Variants in IRX1 observed in about 807,000 individuals in gnomAD.
The protein encoded by IRX1 is iroquois-class homeodomain protein IRX-1.
In IRX1, 22 loss-of-function variants were observed where a neutral mutation model predicts 34.1. The observed-to-expected ratio is 0.64, with a 90% CI of 0.46 to 0.92. The LOEUF (loss-of-function observed/expected upper bound fraction) is 0.92. Among genes scored for constraint, IRX1 ranks in the 40% least tolerant of loss-of-function variants. IRX1 has a pLI of 0.00. For synonymous variants in IRX1, 363 were observed against 319.0 expected (o/e 1.14, Z -1.47); for missense variants, 758 against 680.0 (o/e 1.11, Z -1.28).
At position 3,600,597 on chromosome 5, in the gene IRX1, G is replaced by A; in HGVS notation, c.1313-12G>A. 1 of 1,611,150 alleles carries A rather than the reference G, an allele frequency of 6.2e-7. No individual in the cohort carries two copies. Among genetic ancestry groups the A allele is most frequent in the African/African-American group, 1.3e-5 (1 of 74,968 alleles). On this transcript the variant is annotated splice_polypyrimidine_tract_variant and intron_variant, in intron 2 of 3. Coordinates refer to ENST00000302006, the MANE Select transcript of IRX1 (RefSeq NM_024337.4). ...TCTCCGTCCTAACTCTGCCTCTTCC[G>A]ATCTCTCGCAGAGAGAGACCTCGTC...
chr5:3,599,538 G>A lies in IRX1; in HGVS notation c.590G>A (p.Ser197Asn), dbSNP rs570484024. 18 of 1,614,196 alleles carry A rather than the reference G, an allele frequency of 1.1e-5. No individual in the cohort carries two copies. The East Asian group carries it at 4.0e-4, about 36-fold the overall frequency. Residue 197 changes from serine to asparagine, a missense_variant, in exon 2 of 4, where the codon AGC becomes AAC. Physicochemically the swap from Ser to Asn is conservative, Grantham distance 46 (BLOSUM62 1). Around this residue, in one of 3 missense-constraint regions of IRX1, gnomAD observed 529 missense variants for 418.8 expected, o/e 1.26. Coordinates refer to ENST00000302006, the MANE Select transcript of IRX1 (RefSeq NM_024337.4). This position sits in a 1 kb window ranked among gnomAD's most constrained non-coding sequence, Gnocchi z 6.6. ...KENKVTWGARSKDQEDGALFG... is the reference protein window; with the variant it reads ...KENKVTWGARNKDQEDGALFG... ...AACAAGGTGACATGGGGAGCGCGCAGCAAGGACCAGGAAGATGGAGCGCTC... is the reference window on the plus strand; with the variant it reads ...AACAAGGTGACATGGGGAGCGCGCAACAAGGACCAGGAAGATGGAGCGCTC...
chr5:3,600,614 G>A lies in IRX1; in HGVS notation c.1318G>A (p.Asp440Asn). 3 of 1,613,644 alleles carry A rather than the reference G, an allele frequency of 1.9e-6. No individual in the cohort carries two copies. The highest frequency in any genetic ancestry group is 2.5e-6 in the Non-Finnish European group (3 of 1,179,842). Residue 440 changes from aspartate (D) to asparagine (N), a missense_variant, in exon 3 of 4, where the codon GAC becomes AAC. Physicochemically the swap from Asp to Asn is conservative, Grantham distance 23. Coordinates refer to ENST00000302006, the MANE Select transcript of IRX1 (RefSeq NM_024337.4). The stretch of plus-strand genomic sequence containing the variant: ...CCTCTTCCGATCTCTCGCAGAGAGA[G>A]ACCTCGTCCCCAGGCCAGATTCGCC... ...VRSSPTLPER[D>N]LVPRPDSPAQ... is the part of the protein sequence containing the mutation.
chr5:3,598,184 T>C (rs142562105), intron 1 of IRX1, among the ~76,000 whole-genome samples: 223 of 152,320 alleles, frequency 1.5e-3, no homozygotes, highest in Non-Finnish European at 2.7e-3. Context: ...AAAGATAAAA[T>C]TGTATTTGAA....
At chr5:3,597,255 C>T (rs1733805285) in intron 1 of IRX1, among the ~76,000 whole-genome samples, 1 of 152,230 alleles carries the variant, frequency 6.6e-6, no homozygotes. Context: ...ATTGGCCTGT[C>T]TGCCGGTCCA....
chr5:3,599,003 C>T lies in IRX1; in HGVS notation c.277-222C>T, dbSNP rs1733868951. Among the ~76,000 whole-genome samples the T allele has an allele frequency of 6.6e-6, 1 of 152,158 alleles. No individual in the cohort carries two copies. Among genetic ancestry groups the T allele is most frequent in the East Asian group, 1.9e-4 (1 of 5,164 alleles). ...GTGAAAGGGCAGTTCCTGAAGTCAG[C>T]TCATGGTCCTGGCTCCCCTTCTCCC... On this transcript the variant is annotated intron_variant, in intron 1 of 3. Transcript: ENST00000302006. This position sits in a 1 kb window ranked among gnomAD's most constrained non-coding sequence, Gnocchi z 6.6.
At chr5:3,600,354 G>T in intron 2 of IRX1, 94 bp downstream of exon 2, 2 of 1,228,058 alleles carry the variant, frequency 1.6e-6, no homozygotes, top group East Asian at 2.6e-5. Flanking sequence ...AGCCGGGAGG[G>T]TACCAGGCAG....
rs1216095228 is a variant in IRX1, at chr5:3,599,889, C to G, written c.941C>G (p.Pro314Arg). ...GGLQGAPHGK[P>R]KIWSLAETAT... ...CTGCAGGGTGCGCCGCACGGCAAGC[C>G]CAAGATCTGGTCGCTGGCGGAGACA... The change falls in exon 2 of 4, where the codon CCC (proline) becomes CGC (arginine). Residue 314 changes from proline to arginine, a missense_variant. Pro to Arg is a moderately radical substitution (Grantham distance 103, BLOSUM62 -2). This residue lies in a region of IRX1 where 529 missense variants were observed against 418.8 expected (regional missense o/e 1.26). Transcript: ENST00000302006. The surrounding 1 kb of genome is among the most constrained non-coding windows in gnomAD (Gnocchi z 6.6). The G allele has an allele frequency of 4.0e-6, 6 of 1,489,322 alleles. No individual in the cohort carries two copies. The highest frequency in any genetic ancestry group is 5.3e-6 in the Non-Finnish European group (6 of 1,121,756). The allele number at this position is 1,489,322 out of a possible 1,614,324, so 92.3% of individuals were successfully genotyped here. A position where few individuals can be genotyped will look rare whatever the true frequency, so the allele number is the denominator to read the frequency against.
rs1020201219 is a variant in IRX1, at chr5:3,601,207, C to G, written c.*167C>G. ...TTCTGCAGAAAGGGGCTTCTTCGGT[C>G]CCGAGCTCGCGTCCAGGTGGCCAGG... On this transcript the variant is annotated 3_prime_UTR_variant, in exon 4 of 4. Transcript: ENST00000302006. 33 of 680,072 alleles carry G rather than the reference C, an allele frequency of 4.9e-5. No homozygotes were observed. Among genetic ancestry groups the G allele is most frequent in the Non-Finnish European group, 7.6e-5 (30 of 395,968 alleles). 42.1% of individuals were successfully genotyped at this position (680,072 alleles called of 1,614,324 possible).
chr5:3,596,018 G>T lies in IRX1; in HGVS notation c.-88G>T. On this transcript the variant is annotated 5_prime_UTR_variant, in exon 1 of 4. Transcript: ENST00000302006. ...CGCTCCTCCCTAGACCCCTCGCGGCGCCCCCTGCAACCCCCTCCGGCCGGC... is the reference window on the plus strand; with the variant it reads ...CGCTCCTCCCTAGACCCCTCGCGGCTCCCCCTGCAACCCCCTCCGGCCGGC... 1 of 872,648 alleles carries T rather than the reference G, an allele frequency of 1.1e-6. No homozygotes were observed. The highest frequency in any genetic ancestry group is 5.2e-5 in the South Asian group (1 of 19,248). The allele number at this position is 872,648 out of a possible 1,614,324, so 54.1% of individuals were successfully genotyped here.
In IRX1 at chr5:3,596,062, G is replaced by A. The variant is rs1219784399; in HGVS notation, c.-44G>A. ...GGCCGGCCTCCGCCTCCCTCCCCGC[G>A]CCTTTAATACTCGCCCGCTGCGGCG... On this transcript the variant is annotated 5_prime_UTR_variant, in exon 1 of 4. Transcript: ENST00000302006. 9.6e-7 allele frequency: 1 copy of A among 1,043,952 alleles called. No homozygotes were observed. The highest frequency in any genetic ancestry group is 1.2e-6 in the Non-Finnish European group (1 of 867,298). 64.7% of individuals were successfully genotyped at this position (1,043,952 alleles called of 1,614,324 possible).
At chr5:3,596,684 G>T (rs2111295180) in intron 1 of IRX1, among the ~76,000 whole-genome samples, 1 of 152,232 alleles carries the variant, frequency 6.6e-6, no homozygotes. Flanking sequence ...TGCCCGCGCT[G>T]GAGGTCGGGG....
chr5:3,600,846 A>T, intron 3 of IRX1, 137 bp from the exon 4 acceptor site: 1 of 1,156,084 alleles, frequency 8.6e-7, no homozygotes, highest in Non-Finnish European at 1.3e-6. Context: ...AGGAGACTGG[A>T]GTTTCTCCCC....
At chr5:3,596,957 A>G (rs966868800) in intron 1 of IRX1, among the ~76,000 whole-genome samples, 1 of 152,154 alleles carries the variant, frequency 6.6e-6, no homozygotes, top group African/African-American at 2.4e-5. Context: ...GTCCAAAGGG[A>G]TGGAGAGGTC....
chr5:3,600,210 G>A lies in IRX1; in HGVS notation c.1262G>A (p.Gly421Glu). ...CAGCCGCCGGTCGCTATTGCCCCGGGGGCACTCAATGGAGACAAGGCCTCG... is the reference window on the plus strand; with the variant it reads ...CAGCCGCCGGTCGCTATTGCCCCGGAGGCACTCAATGGAGACAAGGCCTCG... ...PPQPPVAIAP[G>E]ALNGDKASVR... Residue 421 changes from glycine to glutamate, a missense_variant, in exon 2 of 4, where the codon GGG becomes GAG. Transcript: ENST00000302006. The A allele has an allele frequency of 6.2e-7, 1 of 1,610,324 alleles. No homozygotes were observed. Among genetic ancestry groups the A allele is most frequent in the Non-Finnish European group, 8.5e-7 (1 of 1,178,920 alleles).
intron 1 of IRX1, among the ~76,000 whole-genome samples, chr5:3,598,741 G>T (rs929415867): frequency 1.4e-4 from 22 of 152,212 alleles, no homozygotes; most frequent in South Asian, 4.1e-4. Flanking sequence ...TGGCAGAGAG[G>T]AGGCTTGGGC....
intron 1 of IRX1, 80 bp downstream of exon 1, chr5:3,596,461 A>G: frequency 1.5e-6 from 2 of 1,308,676 alleles, no homozygotes; most frequent in Non-Finnish European, 2.0e-6. Flanking sequence ...CGGGAGGGAG[A>G]GACTACGGGT....
At chr5:3,600,734 G>T in intron 3 of IRX1, 53 bp downstream of exon 3, 1 of 1,512,888 alleles carries the variant, frequency 6.6e-7, no homozygotes, top group East Asian at 2.3e-5. Flanking sequence ...GGGGGGAGGA[G>T]GAGTGGTCGG....
At chr5:3,596,743 C>G (rs1048251169) in intron 1 of IRX1, among the ~76,000 whole-genome samples, 1 of 152,160 alleles carries the variant, frequency 6.6e-6, no homozygotes, top group Admixed American at 6.5e-5. Context: ...CCACGGGGTT[C>G]CTGCAGGTCG....
chr5:3,599,186 C>T lies in IRX1; in HGVS notation c.277-39C>T, dbSNP rs190530550. ...TCTCTCCCTTTCTCTCTCCACTTCC[C>T]TCCTCTCTCTCCTCGATGGATCTGC... is the stretch of plus-strand genomic sequence containing the variant. On this transcript the variant is annotated intron_variant, in intron 1 of 3. Transcript: ENST00000302006. The surrounding 1 kb of genome is among the most constrained non-coding windows in gnomAD (Gnocchi z 6.6). The T allele has an allele frequency of 2.4e-5, 37 of 1,573,966 alleles. No homozygotes were observed. The highest frequency in any genetic ancestry group is 2.9e-5 in the Non-Finnish European group (34 of 1,153,180).
Sources: gnomAD v4.1 joint callset for allele counts (sites outside exome capture counted in the v4.1 genomes callset) on GRCh38, gnomAD v4.1.1 for gene constraint, gnomAD v4.1.1 regional missense constraint, Gnocchi (gnomAD v3.1) non-coding constraint, MANE v1.5 for transcripts, NCBI Gene and HGNC (gene_info 2026-07-23, HGNC 2026-07-21) for gene names.